Variants in PCDHA5 observed in about 807,000 individuals in gnomAD.
PCDHA5 encodes protocadherin alpha 5.
PCDHA5 carries 43 observed loss-of-function variants against 61.6 expected under a neutral mutation model. The observed-to-expected ratio is 0.70, with a 90% CI of 0.55 to 0.90. PCDHA5 has a LOEUF of 0.90. Among genes scored for constraint, PCDHA5 ranks in the 40% least tolerant of loss-of-function variants. PCDHA5 has a pLI of 0.00. For synonymous variants in PCDHA5, 627 were observed against 543.9 expected (o/e 1.15, Z -2.13); for missense variants, 1,298 against 1,222.7 (o/e 1.06, Z -0.92).
chr5:140,966,918 A>T, intron 1 of PCDHA5: 1 of 1,602,744 alleles, frequency 6.2e-7, no homozygotes. Flanking sequence ...GTGCCAGAGG[A>T]GCAGGCACCC....
intron 3 of PCDHA5, among the ~76,000 whole-genome samples, chr5:140,984,610 G>A (rs2097110934): frequency 6.6e-6 from 1 of 152,188 alleles, no homozygotes; most frequent in African/African-American, 2.4e-5. Flanking sequence ...CTCTGCATCA[G>A]TGGTGTAAAG....
At chr5:140,935,080 C>T (rs1163743447) in intron 1 of PCDHA5, among the ~76,000 whole-genome samples, 1 of 152,076 alleles carries the variant, frequency 6.6e-6, no homozygotes, top group Non-Finnish European at 1.5e-5. Flanking sequence ...TGTACATTTC[C>T]TTTCCCAGAA....
At chr5:140,983,340 A>G (rs148799902) in intron 3 of PCDHA5, among the ~76,000 whole-genome samples, 114 of 152,358 alleles carry the variant, frequency 7.5e-4, no homozygotes, top group African/African-American at 2.2e-3. Flanking sequence ...TCACTAAAGC[A>G]GGGTCATGTA....
chr5:140,929,154 T>C (rs1005551092), intron 1 of PCDHA5: 3 of 1,614,180 alleles, frequency 1.9e-6, no homozygotes, highest in Non-Finnish European at 1.7e-6. Context: ...CTCAGACTTA[T>C]CTCTATCGGG....
At chr5:140,898,430 C>G (rs2153460461) in intron 1 of PCDHA5, among the ~76,000 whole-genome samples, 1 of 152,270 alleles carries the variant, frequency 6.6e-6, no homozygotes, top group East Asian at 1.9e-4. Flanking sequence ...TTCCCAGCAC[C>G]ATTTATTAAA....
chr5:140,882,066 T>G (rs1198525083), intron 1 of PCDHA5: 1 of 845,446 alleles, frequency 1.2e-6, no homozygotes, highest in East Asian at 2.7e-5. Context: ...TACACGTTCA[T>G]GCGCATGGTG....
intron 3 of PCDHA5, among the ~76,000 whole-genome samples, chr5:140,993,307 A>G (rs1388803376): frequency 6.6e-6 from 1 of 152,056 alleles, no homozygotes; most frequent in Non-Finnish European, 1.5e-5. Flanking sequence ...TGCCTCCAGG[A>G]TAATACCTTC....
chr5:140,967,226 C>T, intron 1 of PCDHA5: 1 of 1,613,746 alleles, frequency 6.2e-7, no homozygotes, highest in Non-Finnish European at 8.5e-7. Flanking sequence ...GCCCAACTAC[C>T]AGCTTCAGGT....
At chr5:140,875,922 T>A (rs1554168077) in intron 1 of PCDHA5, 1 of 1,614,200 alleles carries the variant, frequency 6.2e-7, no homozygotes, top group Admixed American at 1.7e-5. Flanking sequence ...CTCTGGACTC[T>A]CATTTTCCTC....
intron 1 of PCDHA5, among the ~76,000 whole-genome samples, chr5:140,904,286 T>A (rs2071021710): frequency 6.6e-6 from 1 of 152,150 alleles, no homozygotes; most frequent in South Asian, 2.1e-4. Context: ...ATGTGGTGTT[T>A]GGTTTTCCAT....
chr5:141,007,671 A>G (rs1161141271), intron 3 of PCDHA5, among the ~76,000 whole-genome samples: 1 of 152,184 alleles, frequency 6.6e-6, no homozygotes, highest in African/African-American at 2.4e-5. Context: ...TTACAAAGAC[A>G]AAAGTTATCC....
In PCDHA5 at chr5:140,982,530, C is replaced by G; in HGVS notation, c.2467C>G (p.Gln823Glu). The G allele has an allele frequency of 1.2e-6, 2 of 1,614,200 alleles. No homozygotes were observed. The highest frequency in any genetic ancestry group is 3.3e-5 in the Admixed American group (2 of 60,020). ...ILRAGPGGPDQQWPTVSSATP... is the reference protein window; with the variant it reads ...ILRAGPGGPDEQWPTVSSATP... ...ACGGGCTGGTCCAGGAGGGCCTGATCAGCAGTGGCCAACAGTATCCAGTGC... is the reference window on the plus strand; with the variant it reads ...ACGGGCTGGTCCAGGAGGGCCTGATGAGCAGTGGCCAACAGTATCCAGTGC... The change falls in exon 3 of 4, where the codon CAG (glutamine) becomes GAG (glutamate). Residue 823 changes from glutamine to glutamate, a missense_variant. By Grantham distance (29) the Gln-to-Glu change is conservative. Transcript: ENST00000529859.
At chr5:140,850,961 G>A in intron 1 of PCDHA5, 1 of 1,476,304 alleles carries the variant, frequency 6.8e-7, no homozygotes, top group Non-Finnish European at 9.1e-7. Flanking sequence ...TACTCCCAGG[G>A]GCCGTTCAAA....
chr5:140,823,811 C>T lies in PCDHA5; in HGVS notation c.2036C>T (p.Ser679Leu). The T allele has an allele frequency of 2.5e-6, 4 of 1,613,820 alleles. No individual in the cohort carries two copies. The highest frequency in any genetic ancestry group is 1.1e-5 in the South Asian group (1 of 91,074). Residue 679 changes from serine to leucine, a missense_variant, in exon 1 of 4, where the codon TCG (serine) becomes TTG (leucine). Coordinates refer to ENST00000529859, the MANE Select transcript of PCDHA5 (RefSeq NM_018908.3). Reference protein sequence around the residue: ...VESGQAPKASSRASAGAVGPE... With the variant: ...VESGQAPKASLRASAGAVGPE... ...AGTGGCCAGGCGCCGAAGGCCTCATCGCGGGCGTCGGCGGGCGCTGTGGGT... is the reference window on the plus strand; with the variant it reads ...AGTGGCCAGGCGCCGAAGGCCTCATTGCGGGCGTCGGCGGGCGCTGTGGGT...
At chr5:140,969,230 G>A (rs1554231609) in intron 1 of PCDHA5, 1 of 1,614,154 alleles carries the variant, frequency 6.2e-7, no homozygotes, top group South Asian at 1.1e-5. Flanking sequence ...GCCTTCGGGA[G>A]CCCAAGCAGC....
At chr5:140,933,848 C>T (rs1176922942) in intron 1 of PCDHA5, among the ~76,000 whole-genome samples, 6 of 151,862 alleles carry the variant, frequency 4.0e-5, no homozygotes, top group African/African-American at 1.5e-4. Context: ...ATTCCTGTAC[C>T]TTTAATTTTT....
At chr5:140,882,545 G>C (rs1174281421) in intron 1 of PCDHA5, 1 of 1,614,120 alleles carries the variant, frequency 6.2e-7, no homozygotes, top group African/African-American at 1.3e-5. Flanking sequence ...GATCGACCGC[G>C]AGGAGCTGTG....
intron 1 of PCDHA5, among the ~76,000 whole-genome samples, chr5:140,941,239 C>CTTTCTTTCT (rs2092936825): frequency 7.4e-6 from 1 of 134,500 alleles, no homozygotes; most frequent in South Asian, 2.4e-4. Context: ...TTCTTTCTTT[C>CTTTCTTTCT]TTTCTTTCTT....
intron 1 of PCDHA5, among the ~76,000 whole-genome samples, chr5:140,936,730 T>C (rs2091111568): frequency 6.6e-6 from 1 of 152,258 alleles, no homozygotes; most frequent in Non-Finnish European, 1.5e-5. Flanking sequence ...GTGTTAAATA[T>C]AGTAACTTTT....
Sources: gnomAD v4.1 joint callset for allele counts (sites outside exome capture counted in the v4.1 genomes callset) on GRCh38, gnomAD v4.1.1 for gene constraint, MANE v1.5 for transcripts, NCBI Gene and HGNC (gene_info 2026-07-23, HGNC 2026-07-21) for gene names.